The following CNTNAP5 variants were observed in gnomAD, a reference collection of about 807,000 sequenced individuals.
CNTNAP5 encodes contactin associated protein family member 5, also known as contactin-associated protein-like 5.
In CNTNAP5, 72 loss-of-function variants were observed where a neutral mutation model predicts 150.2. The observed-to-expected ratio is 0.48, with a 90% CI of 0.40 to 0.58. The LOEUF is 0.58. Among genes scored for constraint, CNTNAP5 ranks in the 20% least tolerant of loss-of-function variants. CNTNAP5 has a pLI of 0.00. For missense variants in CNTNAP5, 1,636 were observed against 1,626.2 expected, an observed-to-expected ratio of 1.01 and a Z score of -0.10; for synonymous variants, 672 against 619.8, an observed-to-expected ratio of 1.08 and a Z score of -1.25.
intron 13 of CNTNAP5, among the ~76,000 whole-genome samples, chr2:124,656,132 T>C (rs958089173): frequency 6.6e-6 from 1 of 151,812 alleles, no homozygotes; most frequent in Non-Finnish European, 1.5e-5. Flanking sequence ...GCTTCTATCT[T>C]CTAATGGAAC....
intron 1 of CNTNAP5, among the ~76,000 whole-genome samples, chr2:124,105,544 AAAC>A (rs1394041653): frequency 3.9e-5 from 6 of 152,346 alleles, no homozygotes. Context: ...AATTAATAAA[AAAC>A]AATATCTTGG....
intron 3 of CNTNAP5, among the ~76,000 whole-genome samples, chr2:124,281,434 G>A (rs1399745082): frequency 1.3e-5 from 2 of 152,130 alleles, no homozygotes; most frequent in African/African-American, 4.8e-5. Flanking sequence ...ATTCTAAATT[G>A]CTGTTCAGTA....
At chr2:124,512,865 G>GT (rs1402618287) in intron 8 of CNTNAP5, among the ~76,000 whole-genome samples, 2 of 152,094 alleles carry the variant, frequency 1.3e-5, no homozygotes, top group African/African-American at 2.4e-5. Flanking sequence ...CATAATGAAT[G>GT]TTTTTTCTGA....
intron 13 of CNTNAP5, among the ~76,000 whole-genome samples, chr2:124,729,128 C>A (rs1283526240): frequency 6.6e-6 from 1 of 152,036 alleles, no homozygotes; most frequent in Non-Finnish European, 1.5e-5. Context: ...CAATCCTGAT[C>A]TACTGGCTGC....
At chr2:124,046,143 C>T (rs889204024) in intron 1 of CNTNAP5, among the ~76,000 whole-genome samples, 1 of 152,078 alleles carries the variant, frequency 6.6e-6, no homozygotes, top group Non-Finnish European at 1.5e-5. Flanking sequence ...GAGTGGTGTG[C>T]CCTTTTCTAG....
chr2:124,595,848 C>T (rs1396426646), intron 11 of CNTNAP5, among the ~76,000 whole-genome samples: 6 of 137,402 alleles, frequency 4.4e-5, no homozygotes, highest in Admixed American at 2.3e-4. Flanking sequence ...GATTCAACTT[C>T]TTCCTGGTTT....
At chr2:124,605,479 C>T (rs1189246422) in intron 11 of CNTNAP5, among the ~76,000 whole-genome samples, 5 of 151,918 alleles carry the variant, frequency 3.3e-5, no homozygotes, top group African/African-American at 4.8e-5. Flanking sequence ...TTAAATAATT[C>T]CTGGTTAAAT....
chr2:124,179,589 G>T (rs1024424462), intron 1 of CNTNAP5, among the ~76,000 whole-genome samples: 8 of 152,142 alleles, frequency 5.3e-5, no homozygotes, highest in African/African-American at 1.7e-4. Context: ...TTCTTAGAGT[G>T]ATTACATTAT....
At chr2:124,091,705 A>G (rs570019501) in intron 1 of CNTNAP5, among the ~76,000 whole-genome samples, 35 of 152,168 alleles carry the variant, frequency 2.3e-4, no homozygotes, top group African/African-American at 7.7e-4. Flanking sequence ...TCCTGGAGAG[A>G]CCCCACACAC....
chr2:124,710,080 G>C lies in CNTNAP5; in HGVS notation c.2078-37149G>C, dbSNP rs191589905. 1.1e-3 allele frequency among the ~76,000 whole-genome samples: 165 copies of C among 152,110 alleles called. 1 individual carries two copies. Among genetic ancestry groups the C allele is most frequent in the African/African-American group, 3.0e-3 (124 of 41,446 alleles). ...GACTGAGTAGATGGTCATCGAAGCT[G>C]GAATTCAGAGTTTGACAATGTTGTG... On this transcript the variant is annotated intron_variant, in intron 13 of 23. Transcript: ENST00000682447.
intron 22 of CNTNAP5, among the ~76,000 whole-genome samples, chr2:124,904,592 A>G (rs1033774245): frequency 1.3e-5 from 2 of 152,164 alleles, no homozygotes; most frequent in African/African-American, 4.8e-5. Flanking sequence ...TAATCAACTA[A>G]TCTTTGGCAA....
chr2:124,913,063 C>T (rs904097127), intron 23 of CNTNAP5, among the ~76,000 whole-genome samples: 1 of 151,998 alleles, frequency 6.6e-6, no homozygotes, highest in African/African-American at 2.4e-5. Flanking sequence ...TGGTGGAAGA[C>T]ATGCAATCCA....
intron 13 of CNTNAP5, among the ~76,000 whole-genome samples, chr2:124,688,906 C>T (rs559640479): frequency 5.3e-5 from 8 of 151,838 alleles, no homozygotes; most frequent in South Asian, 2.1e-4. Context: ...CTGTAAAACA[C>T]GATAAAAATA....
chr2:124,349,902 T>TTTTTTTTTG, intron 3 of CNTNAP5, among the ~76,000 whole-genome samples: 1 of 133,096 alleles, frequency 7.5e-6, no homozygotes, highest in Middle Eastern at 4.0e-3. Context: ...TTTTTTTTTT[T>TTTTTTTTTG]GAGACAGAGT....
At chr2:124,193,076 C>G (rs1685497155) in intron 1 of CNTNAP5, among the ~76,000 whole-genome samples, 1 of 152,140 alleles carries the variant, frequency 6.6e-6, no homozygotes, top group African/African-American at 2.4e-5. Context: ...TTGTGTGTCT[C>G]TGGGTCATCA....
chr2:124,316,804 C>CAAA (rs56812690), intron 3 of CNTNAP5, among the ~76,000 whole-genome samples: 25 of 54,766 alleles, frequency 4.6e-4, no homozygotes, highest in Admixed American at 8.3e-4. Flanking sequence ...GACTCCATCT[C>CAAA]AAAAAAAAAA....
At chr2:124,532,569 A>T (rs1157823511) in intron 10 of CNTNAP5, among the ~76,000 whole-genome samples, 1 of 152,148 alleles carries the variant, frequency 6.6e-6, no homozygotes, top group Non-Finnish European at 1.5e-5. Context: ...AAAAACAGGG[A>T]TGCTGATGAG....
chr2:124,245,173 C>T (rs879523159), intron 3 of CNTNAP5, among the ~76,000 whole-genome samples: 1 of 152,024 alleles, frequency 6.6e-6, no homozygotes, highest in Admixed American at 6.6e-5. Context: ...TGTGAAGATA[C>T]CAATAATACC....
intron 3 of CNTNAP5, among the ~76,000 whole-genome samples, chr2:124,292,442 T>A (rs1382851054): frequency 1.3e-5 from 2 of 152,122 alleles, no homozygotes; most frequent in Non-Finnish European, 2.9e-5. Context: ...TGTACAAAAT[T>A]TAATTTTAAA....
Sources: gnomAD v4.1 joint callset for allele counts (sites outside exome capture counted in the v4.1 genomes callset) on GRCh38, gnomAD v4.1.1 for gene constraint, MANE v1.5 for transcripts, NCBI Gene and HGNC (gene_info 2026-07-23, HGNC 2026-07-21) for gene names.